The following KCNT1 variants were observed in gnomAD, a reference collection of about 807,000 sequenced individuals.
KCNT1 encodes potassium sodium-activated channel subfamily T member 1.
In KCNT1, 78 loss-of-function variants were observed where a neutral mutation model predicts 147.8. That is an observed-to-expected ratio of 0.53 (90% CI 0.44 to 0.64). The LOEUF (loss-of-function observed/expected upper bound fraction) is 0.64, where lower values mean the gene tolerates loss of function less well. Among genes scored for constraint, KCNT1 ranks in the 30% least tolerant of loss-of-function variants. The pLI, the probability that KCNT1 is intolerant of heterozygous loss-of-function variation, is 0.00. For synonymous variants in KCNT1, 867 were observed against 748.8 expected (o/e 1.16, Z -2.58); for missense variants, 1,419 against 1,750.3 (o/e 0.81, Z 3.38).
rs1326222883 is a variant in KCNT1, at chr9:135,753,020, GGATGGATGGACAGATGAGTAGATA to G, written c.435-908_435-885del. 1.7e-4 allele frequency among the ~76,000 whole-genome samples: 26 copies of G among 149,934 alleles called. No homozygotes were observed. The East Asian group carries it at 3.2e-3, about 18-fold the overall frequency. Reference sequence around the variant, plus strand: ...TGAGTGGATGGATGGATGGAGGGATGGATGGATGGACAGATGAGTAGATAGATGGATGAGTGGATGGATAGAGGG... The same window carrying G: ...TGAGTGGATGGATGGATGGAGGGATGGATGGATGAGTGGATGGATAGAGGG... On this transcript the variant is annotated intron_variant, in intron 4 of 30. Transcript: ENST00000371757.
intron 11 of KCNT1, among the ~76,000 whole-genome samples, chr9:135,764,426 C>T (rs1387427463): frequency 1.3e-5 from 2 of 152,200 alleles, no homozygotes; most frequent in African/African-American, 4.8e-5. Context: ...CACCACGGCA[C>T]TCCAGCCTGG....
chr9:135,794,605 CCCAGCGG>C lies in KCNT1; in HGVS notation c.*2447_*2453del, dbSNP rs1834725156. On this transcript the variant is annotated 3_prime_UTR_variant, in exon 31 of 31. Transcript: ENST00000371757. ...CCGTGGACACAGGTGGCACCCAGCG[CCCAGCGG>C]CCTGTGAATCCTCCCGTGGGCAAAG... 1 of 152,218 alleles carries C rather than the reference CCCAGCGG, an allele frequency of 6.6e-6. No individual in the cohort carries two copies. Among genetic ancestry groups the C allele is most frequent in the Admixed American group, 6.5e-5 (1 of 15,282 alleles). 9.4% of individuals were successfully genotyped at this position (152,218 alleles called of 1,614,324 possible). A position where few individuals can be genotyped will look rare whatever the true frequency, so the allele number is the denominator to read the frequency against.
intron 2 of KCNT1, among the ~76,000 whole-genome samples, chr9:135,729,922 C>A (rs1181297407): frequency 6.6e-6 from 1 of 152,206 alleles, no homozygotes; most frequent in Non-Finnish European, 1.5e-5. Flanking sequence ...TCAAGGTGGC[C>A]TGTGGCTTTA....
intron 1 of KCNT1, among the ~76,000 whole-genome samples, chr9:135,704,490 C>G (rs1835168848): frequency 6.6e-6 from 1 of 152,090 alleles, no homozygotes; most frequent in African/African-American, 2.4e-5. Context: ...CCTGCTCCCA[C>G]CTCCATGCCA....
chr9:135,773,018 C>T lies in KCNT1; in HGVS notation c.2243+69C>T, dbSNP rs550243198. Reference sequence around the variant, plus strand: ...GCCCATGAGTGCGGGGGATGGGTGTCGGAGCATCCTTGGTGGTCCCCCATG... The same window carrying T: ...GCCCATGAGTGCGGGGGATGGGTGTTGGAGCATCCTTGGTGGTCCCCCATG... On this transcript the variant is annotated intron_variant, in intron 19 of 30. Coordinates refer to ENST00000371757, the MANE Select transcript of KCNT1 (RefSeq NM_020822.3). 9.9e-6 allele frequency: 11 copies of T among 1,108,088 alleles called. No homozygotes were observed. In the East Asian group the frequency reaches 1.8e-4, roughly 18 times the overall value. 68.6% of individuals were successfully genotyped at this position (1,108,088 alleles called of 1,614,324 possible).
chr9:135,715,913 C>T (rs1023271745), intron 2 of KCNT1, among the ~76,000 whole-genome samples: 4 of 152,172 alleles, frequency 2.6e-5, no homozygotes, highest in Non-Finnish European at 5.9e-5. Flanking sequence ...AGGGAGTGAG[C>T]GTCCTGCAGA....
intron 1 of KCNT1, among the ~76,000 whole-genome samples, chr9:135,713,594 G>A (rs1835592764): frequency 1.3e-5 from 2 of 152,312 alleles, no homozygotes; most frequent in Middle Eastern, 6.8e-3. Context: ...GGCACAGCAC[G>A]GGGAGCTGGG....
At chr9:135,759,327 T>C (rs1831739875) in intron 10 of KCNT1, among the ~76,000 whole-genome samples, 1 of 152,120 alleles carries the variant, frequency 6.6e-6, no homozygotes, top group Non-Finnish European at 1.5e-5. Flanking sequence ...CCCACGCTGA[T>C]GACACAGCCC....
At position 135,704,122 on chromosome 9, in the gene KCNT1, G is replaced by C. The variant is rs1018435914; in HGVS notation, c.110+1754G>C. ...AGAACCTTCGTGCTGCCTGGTGGTGGGGGGAGCTCTGTGGGGCGGGTTTCC... is the reference window on the plus strand; with the variant it reads ...AGAACCTTCGTGCTGCCTGGTGGTGCGGGGAGCTCTGTGGGGCGGGTTTCC... On this transcript the variant is annotated intron_variant, in intron 1 of 30. Coordinates refer to ENST00000371757, the MANE Select transcript of KCNT1 (RefSeq NM_020822.3). Among the ~76,000 whole-genome samples the C allele has an allele frequency of 1.2e-4, 19 of 152,338 alleles. 1 individual carries two copies. The highest frequency in any genetic ancestry group is 8.5e-4 in the Admixed American group (13 of 15,302).
In KCNT1 at chr9:135,775,864, C is replaced by G. The variant is rs570393254; in HGVS notation, c.2349+449C>G. ...GTCCTGCGTGGCAGTGTTTTCCCCA[C>G]CGGGAGCCTGTCCCGGCTGCGTCTT... is the stretch of plus-strand genomic sequence containing the variant. On this transcript the variant is annotated intron_variant, in intron 20 of 30. Coordinates refer to ENST00000371757, the MANE Select transcript of KCNT1 (RefSeq NM_020822.3). 2.0e-5 allele frequency among the ~76,000 whole-genome samples: 3 copies of G among 152,348 alleles called. No homozygotes were observed. The South Asian group carries it at 6.2e-4, about 32-fold the overall frequency.
At chr9:135,711,379 A>G (rs1349014174) in intron 1 of KCNT1, among the ~76,000 whole-genome samples, 1 of 152,180 alleles carries the variant, frequency 6.6e-6, no homozygotes, top group African/African-American at 2.4e-5. Context: ...GCCCAAGGTG[A>G]ACCTGGACCT....
chr9:135,755,212 C>T, intron 6 of KCNT1, 43 bp downstream of exon 6: 2 of 1,566,848 alleles, frequency 1.3e-6, no homozygotes, highest in African/African-American at 1.4e-5. Flanking sequence ...CAGTGGTGCT[C>T]AGTAAGCACT....
intron 2 of KCNT1, among the ~76,000 whole-genome samples, chr9:135,737,803 C>G (rs1830403805): frequency 6.6e-6 from 1 of 152,214 alleles, no homozygotes; most frequent in African/African-American, 2.4e-5. Context: ...ACCCCCATTT[C>G]TAGCTCTTCA....
chr9:135,794,377 G>C lies in KCNT1; in HGVS notation c.*2216G>C, dbSNP rs1834720144. ...CCCAAGAGGGGCTGGGTGAGCACTT[G>C]GGGCCTCTGAGAACATCAGTGGTCC... On this transcript the variant is annotated 3_prime_UTR_variant, in exon 31 of 31. Coordinates refer to ENST00000371757, the MANE Select transcript of KCNT1 (RefSeq NM_020822.3). 6.6e-6 allele frequency: 1 copy of C among 152,384 alleles called. No individual in the cohort carries two copies. The highest frequency in any genetic ancestry group is 2.1e-4 in the South Asian group (1 of 4,842). 9.4% of individuals were successfully genotyped at this position (152,384 alleles called of 1,614,324 possible).
chr9:135,776,175 G>T (rs987589672), intron 20 of KCNT1, among the ~76,000 whole-genome samples: 2 of 152,170 alleles, frequency 1.3e-5, no homozygotes, highest in Non-Finnish European at 2.9e-5. Context: ...CAGCTTCTCT[G>T]TGGGGGACGT....
At chr9:135,783,957 C>A (rs1833816124) in intron 24 of KCNT1, 67 bp from the exon 25 acceptor site, 2 of 1,242,306 alleles carry the variant, frequency 1.6e-6, no homozygotes, top group Non-Finnish European at 2.3e-6. Context: ...TGCCCTCGAC[C>A]CCGTGGCTGC....
At chr9:135,748,590 G>A (rs1474435086) in intron 2 of KCNT1, among the ~76,000 whole-genome samples, 1 of 152,224 alleles carries the variant, frequency 6.6e-6, no homozygotes, top group Non-Finnish European at 1.5e-5. Context: ...AAGGGGTTGA[G>A]GCAGGAACAG....
chr9:135,769,935 C>T lies in KCNT1; in HGVS notation c.1511-12C>T, dbSNP rs549024643. ...GAGCGGCAGGTGGACCGGCCTCCCC[C>T]ACTGCCCGCAGACCACGTGGTGTGT... On this transcript the variant is annotated splice_polypyrimidine_tract_variant and intron_variant, in intron 15 of 30. Coordinates refer to ENST00000371757, the MANE Select transcript of KCNT1 (RefSeq NM_020822.3). 2.6e-6 allele frequency: 4 copies of T among 1,543,654 alleles called. No individual in the cohort carries two copies. Among genetic ancestry groups the T allele is most frequent in the Non-Finnish European group, 2.6e-6 (3 of 1,141,492 alleles).
At chr9:135,733,612 C>T (rs1198165334) in intron 2 of KCNT1, among the ~76,000 whole-genome samples, 1 of 125,656 alleles carries the variant, frequency 8.0e-6, no homozygotes, top group Non-Finnish European at 1.7e-5. Flanking sequence ...GCCCCCACAC[C>T]TGCCCTCACA....
Sources: gnomAD v4.1 joint callset for allele counts (sites outside exome capture counted in the v4.1 genomes callset) on GRCh38, gnomAD v4.1.1 for gene constraint, MANE v1.5 for transcripts, NCBI Gene and HGNC (gene_info 2026-07-23, HGNC 2026-07-21) for gene names.